The following AKAP19 variants were observed in gnomAD, a reference collection of about 807,000 sequenced individuals.
AKAP19 encodes the protein A-kinase anchoring protein 19.
chr2:190,184,324 G>C, the AKAP19 span, among the ~76,000 whole-genome samples: 1 of 152,082 alleles, frequency 6.6e-6, no homozygotes, highest in Non-Finnish European at 1.5e-5. Flanking sequence ...CAAAACACTG[G>C]CCCAAACACT....
the AKAP19 span, among the ~76,000 whole-genome samples, chr2:190,069,103 G>T: frequency 6.7e-6 from 1 of 149,538 alleles, no homozygotes; most frequent in Non-Finnish European, 1.5e-5. Context: ...GGGTAGAAAA[G>T]AAGTCTCAAA....
the AKAP19 span, among the ~76,000 whole-genome samples, chr2:189,984,221 A>G: frequency 6.6e-6 from 1 of 152,192 alleles, no homozygotes; most frequent in Non-Finnish European, 1.5e-5. Context: ...GCCTGGGAGC[A>G]CTATGGGAGA....
At chr2:190,002,114 C>T in the AKAP19 span, among the ~76,000 whole-genome samples, 1 of 152,192 alleles carries the variant, frequency 6.6e-6, no homozygotes, top group African/African-American at 2.4e-5. Flanking sequence ...GTGGGAGTAG[C>T]CTTAGGCCAG....
the AKAP19 span, among the ~76,000 whole-genome samples, chr2:190,039,398 C>T: frequency 6.6e-6 from 1 of 152,128 alleles, no homozygotes; most frequent in African/African-American, 2.4e-5. Context: ...CTTCCACATG[C>T]TTCAAATACA....
chr2:189,934,762 ATTTAT>A, the AKAP19 span, among the ~76,000 whole-genome samples: 1 of 151,664 alleles, frequency 6.6e-6, no homozygotes, highest in African/African-American at 2.4e-5. Context: ...ATTATAAAGA[ATTTAT>A]TTTATCTATT....
the AKAP19 span, among the ~76,000 whole-genome samples, chr2:190,024,372 ATG>A: frequency 7.1e-6 from 1 of 141,404 alleles, no homozygotes; most frequent in Non-Finnish European, 1.5e-5. Context: ...ACACATATAT[ATG>A]TGTGTGTATA....
At chr2:190,098,879 G>A in the AKAP19 span, among the ~76,000 whole-genome samples, 1 of 152,130 alleles carries the variant, frequency 6.6e-6, no homozygotes. Context: ...TTATATTTTG[G>A]AGACTGCTTC....
the AKAP19 span, among the ~76,000 whole-genome samples, chr2:190,138,336 G>C: frequency 3.3e-5 from 5 of 152,288 alleles, no homozygotes; most frequent in South Asian, 4.1e-4. Flanking sequence ...CATATTAGTG[G>C]AGTAGAAGTC....
the AKAP19 span, among the ~76,000 whole-genome samples, chr2:190,156,872 C>T: frequency 6.6e-6 from 1 of 152,056 alleles, no homozygotes; most frequent in African/African-American, 2.4e-5. Context: ...ATACATTTAC[C>T]TATCCCATCA....
At chr2:189,943,109 A>G in the AKAP19 span, among the ~76,000 whole-genome samples, 5 of 152,238 alleles carry the variant, frequency 3.3e-5, no homozygotes, top group Non-Finnish European at 7.3e-5. Flanking sequence ...CTAATATCAA[A>G]GACAATGAAG....
At chr2:189,932,465 A>G in the AKAP19 span, among the ~76,000 whole-genome samples, 123 of 151,440 alleles carry the variant, frequency 8.1e-4, no homozygotes, top group African/African-American at 2.8e-3. Flanking sequence ...TCCCCCCACC[A>G]CCACACATGC....
At chr2:189,953,634 C>CAAAA in the AKAP19 span, among the ~76,000 whole-genome samples, 7 of 72,782 alleles carry the variant, frequency 9.6e-5, no homozygotes, top group African/African-American at 2.3e-4. Flanking sequence ...AACTCCATCT[C>CAAAA]AAAAAAAAAA....
At chr2:190,040,932 T>C in the AKAP19 span, among the ~76,000 whole-genome samples, 1 of 152,144 alleles carries the variant, frequency 6.6e-6, no homozygotes, top group East Asian at 1.9e-4. Context: ...AGCACTATAA[T>C]ATATAGTTTA....
chr2:190,026,754 G>A, the AKAP19 span, among the ~76,000 whole-genome samples: 1 of 152,200 alleles, frequency 6.6e-6, no homozygotes, highest in African/African-American at 2.4e-5. Context: ...ATGTGAGTAT[G>A]TAGGAGCTGA....
the AKAP19 span, among the ~76,000 whole-genome samples, chr2:189,989,907 C>G: frequency 5.3e-5 from 8 of 152,178 alleles, no homozygotes; most frequent in South Asian, 1.7e-3. Flanking sequence ...GATTGGAAGA[C>G]AAAATATTGT....
the AKAP19 span, among the ~76,000 whole-genome samples, chr2:190,131,215 C>T: frequency 6.6e-6 from 1 of 152,086 alleles, no homozygotes; most frequent in Non-Finnish European, 1.5e-5. Flanking sequence ...TGGGGCAACT[C>T]TTAGTGGGCA....
chr2:189,947,891 A>G, the AKAP19 span, among the ~76,000 whole-genome samples: 1 of 152,132 alleles, frequency 6.6e-6, no homozygotes, highest in Non-Finnish European at 1.5e-5. Flanking sequence ...CAGACCAATA[A>G]TATTATCTTT....
chr2:190,161,853 T>C, the AKAP19 span, among the ~76,000 whole-genome samples: 7 of 152,204 alleles, frequency 4.6e-5, no homozygotes, highest in African/African-American at 9.6e-5. Flanking sequence ...GTTTATTATC[T>C]GGAACTAGGA....
the AKAP19 span, chr2:189,930,504 C>T: frequency 4.7e-6 from 1 of 211,520 alleles, no homozygotes; most frequent in Non-Finnish European, 9.5e-6. Flanking sequence ...TAGTGAAACC[C>T]CGTCTCTACT....
Sources: gnomAD v4.1 joint callset for allele counts (sites outside exome capture counted in the v4.1 genomes callset) on GRCh38, gnomAD v4.1.1 for gene constraint, MANE v1.5 for transcripts, NCBI Gene and HGNC (gene_info 2026-07-23, HGNC 2026-07-21) for gene names.